Variants in ENOX1 observed in about 807,000 individuals in gnomAD.
ENOX1 encodes the protein candidate growth-related and time keeping constitutive hydroquinone (NADH) oxidase.
In ENOX1, 42 loss-of-function variants were observed where a neutral mutation model predicts 82.5. That is an observed-to-expected ratio of 0.51 (90% confidence interval 0.40 to 0.66). ENOX1 has a LOEUF of 0.66. ENOX1 is among the 30% of genes least tolerant of loss of function. ENOX1 has a pLI of 0.00. For missense variants in ENOX1, 608 were observed against 811.6 expected (o/e 0.75, Z 3.05); for synonymous variants, 271 against 282.2 (o/e 0.96, Z 0.40).
chr13:43,692,589 T>C, intron 1 of ENOX1, among the ~76,000 whole-genome samples: 1 of 152,100 alleles, frequency 6.6e-6, no homozygotes. Flanking sequence ...CTCCCTAATA[T>C]ATAAAGAACT....
chr13:43,716,230 G>A (rs1051684292), intron 1 of ENOX1, among the ~76,000 whole-genome samples: 2 of 152,230 alleles, frequency 1.3e-5, no homozygotes, highest in Admixed American at 1.3e-4. Context: ...CGTACAGATG[G>A]GTTTTTGGTG....
chr13:43,458,865 G>C (rs2057341953), intron 3 of ENOX1: 1 of 151,988 alleles, frequency 6.6e-6, no homozygotes, highest in South Asian at 2.1e-4. Flanking sequence ...GTCCCATTTT[G>C]TTTTACCTTC....
chr13:43,357,594 C>T (rs148480666), intron 7 of ENOX1, among the ~76,000 whole-genome samples: 15 of 152,288 alleles, frequency 9.8e-5, no homozygotes, highest in East Asian at 7.7e-4. Context: ...CAGTGATACA[C>T]GCATAACAGC....
At chr13:43,728,459 C>A (rs2089127533) in intron 1 of ENOX1, among the ~76,000 whole-genome samples, 1 of 152,092 alleles carries the variant, frequency 6.6e-6, no homozygotes, top group African/African-American at 2.4e-5. Flanking sequence ...CATCTAAGTC[C>A]ACCACAGTAC....
intron 1 of ENOX1, among the ~76,000 whole-genome samples, chr13:43,669,437 T>C (rs2085150014): frequency 6.6e-6 from 1 of 152,110 alleles, no homozygotes; most frequent in African/African-American, 2.4e-5. Flanking sequence ...TGCCCTCCTA[T>C]CTCTAATTCA....
intron 8 of ENOX1, among the ~76,000 whole-genome samples, chr13:43,347,129 C>T (rs559018654): frequency 1.3e-5 from 2 of 152,268 alleles, no homozygotes; most frequent in East Asian, 3.9e-4. Context: ...AAAAAAAACA[C>T]TTCAATTTTA....
chr13:43,697,017 C>G (rs1279727206), intron 1 of ENOX1, among the ~76,000 whole-genome samples: 1 of 151,936 alleles, frequency 6.6e-6, no homozygotes, highest in Non-Finnish European at 1.5e-5. Context: ...AGAAATGAAA[C>G]AATTAACATT....
chr13:43,754,653 T>C (rs1950551442), intron 1 of ENOX1, among the ~76,000 whole-genome samples: 2 of 152,010 alleles, frequency 1.3e-5, no homozygotes, highest in South Asian at 2.1e-4. Context: ...GGCACAATCA[T>C]AGCCCACTGC....
chr13:43,239,071 G>A (rs992899608), intron 14 of ENOX1, among the ~76,000 whole-genome samples: 1 of 152,208 alleles, frequency 6.6e-6, no homozygotes, highest in Non-Finnish European at 1.5e-5. Flanking sequence ...CAAGGAGCCA[G>A]ATAAGACCCA....
intron 3 of ENOX1, among the ~76,000 whole-genome samples, chr13:43,462,825 A>C (rs1431859417): frequency 6.6e-6 from 1 of 152,232 alleles, no homozygotes; most frequent in Non-Finnish European, 1.5e-5. Context: ...ACATCAGACG[A>C]AACTGCTAAG....
intron 11 of ENOX1, among the ~76,000 whole-genome samples, chr13:43,305,960 C>T (rs1330041214): frequency 2.0e-5 from 3 of 152,176 alleles, no homozygotes; most frequent in Non-Finnish European, 4.4e-5. Flanking sequence ...TCAGCCCCTG[C>T]CCAGCCTGGC....
intron 1 of ENOX1, among the ~76,000 whole-genome samples, chr13:43,785,932 G>A (rs1040681488): frequency 1.3e-5 from 2 of 151,946 alleles, no homozygotes; most frequent in Non-Finnish European, 2.9e-5. Flanking sequence ...CGGGGAGGCG[G>A]CCGGCGTCCA....
At chr13:43,757,963 G>A (rs932163607) in intron 1 of ENOX1, among the ~76,000 whole-genome samples, 7 of 151,948 alleles carry the variant, frequency 4.6e-5, no homozygotes, top group East Asian at 3.9e-4. Flanking sequence ...GGCCGGGTGC[G>A]GTGGGTCACG....
At chr13:43,423,681 T>C (rs2055112513) in intron 3 of ENOX1, among the ~76,000 whole-genome samples, 1 of 152,212 alleles carries the variant, frequency 6.6e-6, no homozygotes, top group South Asian at 2.1e-4. Context: ...CCTCAAACCC[T>C]ACCTCTGCAG....
intron 1 of ENOX1, among the ~76,000 whole-genome samples, chr13:43,669,620 G>A (rs189615562): frequency 1.3e-3 from 202 of 151,558 alleles, no homozygotes; most frequent in Non-Finnish European, 2.4e-3. Context: ...CTTCACTAAC[G>A]TCCCCACATT....
chr13:43,502,016 A>T (rs992135704), intron 2 of ENOX1, among the ~76,000 whole-genome samples: 1 of 151,626 alleles, frequency 6.6e-6, no homozygotes, highest in African/African-American at 2.4e-5. Context: ...AAAAGATTCA[A>T]ATAAGTCAAA....
At chr13:43,392,234 A>G (rs1167980572) in intron 5 of ENOX1, among the ~76,000 whole-genome samples, 1 of 152,250 alleles carries the variant, frequency 6.6e-6, no homozygotes, top group East Asian at 1.9e-4. Context: ...ATTTCTAATG[A>G]TACGTTCATC....
At chr13:43,585,168 C>T (rs966542867) in intron 2 of ENOX1, among the ~76,000 whole-genome samples, 1 of 152,126 alleles carries the variant, frequency 6.6e-6, no homozygotes, top group African/African-American at 2.4e-5. Context: ...GTTACAGTGG[C>T]TTAATGTGAG....
At chr13:43,444,732 A>G (rs1366447541) in intron 3 of ENOX1, among the ~76,000 whole-genome samples, 1 of 152,226 alleles carries the variant, frequency 6.6e-6, no homozygotes, top group Non-Finnish European at 1.5e-5. Flanking sequence ...AATTGTGTTC[A>G]TTGTTCACCT....
Sources: gnomAD v4.1 joint callset for allele counts (sites outside exome capture counted in the v4.1 genomes callset) on GRCh38, gnomAD v4.1.1 for gene constraint, MANE v1.5 for transcripts, NCBI Gene and HGNC (gene_info 2026-07-23, HGNC 2026-07-21) for gene names.